The following ARNT variants were observed in gnomAD, a reference collection of about 807,000 sequenced individuals.
ARNT encodes aryl hydrocarbon receptor nuclear translocator.
In ARNT, 30 loss-of-function variants were observed where a neutral mutation model predicts 105.0. That is an observed-to-expected ratio of 0.29 (90% CI 0.21 to 0.39). The LOEUF (loss-of-function observed/expected upper bound fraction) is 0.39. ARNT is among the 10% of genes least tolerant of loss of function. The pLI, the probability that ARNT is intolerant of heterozygous loss-of-function variation, is 1.00. For missense variants in ARNT, 748 were observed against 978.7 expected (o/e 0.76, Z 3.15); for synonymous variants, 304 against 344.0 (o/e 0.88, Z 1.29).
At chr1:150,867,405 G>C (rs1361654888) in intron 1 of ARNT, among the ~76,000 whole-genome samples, 1 of 151,384 alleles carries the variant, frequency 6.6e-6, no homozygotes, top group Non-Finnish European at 1.5e-5. Flanking sequence ...CAGAGATGCA[G>C]CCAGGCACAA....
chr1:150,869,722 A>G (rs1447203712), intron 1 of ARNT, among the ~76,000 whole-genome samples: 1 of 151,710 alleles, frequency 6.6e-6, no homozygotes, highest in Non-Finnish European at 1.5e-5. Flanking sequence ...TAATTTTTTT[A>G]TATATATTTT....
At chr1:150,875,201 T>C (rs1230033945) in intron 1 of ARNT, among the ~76,000 whole-genome samples, 1 of 152,218 alleles carries the variant, frequency 6.6e-6, no homozygotes, top group Non-Finnish European at 1.5e-5. Flanking sequence ...AGTTTTATTC[T>C]ATCACTCAGC....
chr1:150,837,010 G>A lies in ARNT; in HGVS notation c.487-517C>T, dbSNP rs587757738. ...GAGCCTGGGAAGCAGAGGTTGCAGT[G>A]AGCCGAGATCATACCACCACACTCC... On this transcript the variant is annotated intron_variant, in intron 6 of 21. Transcript: ENST00000358595. Among the ~76,000 whole-genome samples the A allele has an allele frequency of 6.6e-5, 10 of 152,022 alleles. No homozygotes were observed. The East Asian group carries it at 1.9e-3, about 29-fold the overall frequency.
At chr1:150,874,018 T>TAAAAAAAAAAAAAAAAAAAAAAAAAAA (rs58707975) in intron 1 of ARNT, among the ~76,000 whole-genome samples, 1 of 64,430 alleles carries the variant, frequency 1.6e-5, no homozygotes, top group Non-Finnish European at 3.0e-5. Context: ...ACAAGAATTG[T>TAAAAAAAAAAAAAAAAAAAAAAAAAAA]AAAAAAAAAA....
rs587694027 is a variant in ARNT at position 150,860,326 on chromosome 1, G to C, written c.26-1866C>G. Among the ~76,000 whole-genome samples, 935 of 147,210 alleles carry C rather than the reference G, an allele frequency of 6.4e-3. 6 individuals carry two copies. Among genetic ancestry groups the C allele is most frequent in the Non-Finnish European group, 0.011 (714 of 67,288 alleles). Reference sequence around the variant, plus strand: ...CAACTCTCGGGTTCAAGTGATTCTCGAGCCTCAGCCTCCCAAATAGCTGGG... The same window carrying C: ...CAACTCTCGGGTTCAAGTGATTCTCCAGCCTCAGCCTCCCAAATAGCTGGG... On this transcript the variant is annotated intron_variant, in intron 1 of 21. Coordinates refer to ENST00000358595, the MANE Select transcript of ARNT (RefSeq NM_001668.4).
intron 12 of ARNT, among the ~76,000 whole-genome samples, 172 bp from the exon 13 acceptor site, chr1:150,826,789 G>T (rs1658377111): frequency 6.6e-6 from 1 of 151,680 alleles, no homozygotes; most frequent in African/African-American, 2.4e-5. Flanking sequence ...GGATTACAGG[G>T]GTGTGCTACC....
At chr1:150,858,322 T>A in intron 2 of ARNT, 27 bp downstream of exon 2, 1 of 1,545,518 alleles carries the variant, frequency 6.5e-7, no homozygotes, top group Non-Finnish European at 8.9e-7. Context: ...AGGAGAGATA[T>A]TCATAACACA....
intron 20 of ARNT, among the ~76,000 whole-genome samples, chr1:150,813,634 G>GTT (rs199531175): frequency 3.4e-5 from 5 of 147,012 alleles, no homozygotes; most frequent in East Asian, 4.0e-4. Flanking sequence ...CATGTGGGTA[G>GTT]TTTTTTTTTT....
rs1009369458 is a variant in ARNT, at chr1:150,834,599, C to T, written c.742G>A (p.Gly248Ser). ...DLKTGTVKKE[G>S]QQSSMRMCMG... is the part of the protein sequence containing the mutation. ...CACATTCTCATGGAAGACTGCTGAC[C>T]TTCCTTTTTCACTGTTCCAGTCTTT... Residue 248 changes from glycine (G) to serine (S), a missense_variant, in exon 8 of 22, where the codon GGT becomes AGT. Around this residue, in one of 4 missense-constraint regions of ARNT, gnomAD observed 291 missense variants for 444.6 expected, o/e 0.65. Coordinates refer to ENST00000358595, the MANE Select transcript of ARNT (RefSeq NM_001668.4). The T allele has an allele frequency of 6.2e-7, 1 of 1,614,022 alleles. No individual in the cohort carries two copies. The highest frequency in any genetic ancestry group is 8.5e-7 in the Non-Finnish European group (1 of 1,179,956).
intron 12 of ARNT, among the ~76,000 whole-genome samples, chr1:150,827,693 A>G (rs1221365060): frequency 6.6e-6 from 1 of 152,236 alleles, no homozygotes; most frequent in Non-Finnish European, 1.5e-5. Flanking sequence ...ATACTCAGGA[A>G]TAAAATTGCT....
chr1:150,847,656 C>G (rs1158549542), intron 3 of ARNT, among the ~76,000 whole-genome samples: 6 of 152,118 alleles, frequency 3.9e-5, no homozygotes, highest in Non-Finnish European at 5.9e-5. Context: ...AGTGGTTACC[C>G]TCATATCTTT....
chr1:150,830,096 C>T (rs1213600539), intron 10 of ARNT, 116 bp from the exon 11 acceptor site: 18 of 1,157,116 alleles, frequency 1.6e-5, no homozygotes, highest in African/African-American at 1.4e-4. Flanking sequence ...CCGTGGCTGA[C>T]GCCTGTAATC....
chr1:150,817,408 C>T lies in ARNT; in HGVS notation c.1531G>A (p.Asp511Asn), dbSNP rs1805133. The T allele has an allele frequency of 7.1e-3, 11,411 of 1,614,158 alleles. 59 individuals are homozygous for T. The highest frequency in any genetic ancestry group is 0.015 in the Middle Eastern group (88 of 6,056). ...AGTCCATCTCTTCCTGGTACCATGT[C>T]CAATTCTGTTTGCTGTTGCTGCTGC... ...PRQQQQQTEL[D>N]MVPGRDGLAS... The change falls in exon 16 of 22, where the codon GAC becomes AAC. Residue 511 changes from aspartate to asparagine, a missense_variant. Physicochemically the swap from Asp to Asn is conservative, Grantham distance 23. This residue lies in a region of ARNT where 360 missense variants were observed against 411.9 expected (regional missense o/e 0.87). Transcript: ENST00000358595.
At chr1:150,868,666 C>A (rs949134394) in intron 1 of ARNT, among the ~76,000 whole-genome samples, 3 of 151,216 alleles carry the variant, frequency 2.0e-5, no homozygotes, top group African/African-American at 7.3e-5. Flanking sequence ...CTTTGGGAGG[C>A]CGAGGTGGGC....
intron 1 of ARNT, among the ~76,000 whole-genome samples, chr1:150,868,989 T>G (rs1571528943): frequency 6.6e-6 from 1 of 151,168 alleles, no homozygotes; most frequent in Non-Finnish European, 1.5e-5. Context: ...TAGCTGGGCA[T>G]GATGGTGCAT....
rs1417778757 is a variant in ARNT, at chr1:150,809,720, T to G, written c.*2301A>C. ...AGGTCCAGACTTGAACAGTTTAAAT[T>G]TCACTCATTTTAATCCAGAAAAGGA... is the stretch of plus-strand genomic sequence containing the variant. On this transcript the variant is annotated 3_prime_UTR_variant, in exon 22 of 22. Transcript: ENST00000358595. 1 of 202,042 alleles carries G rather than the reference T, an allele frequency of 4.9e-6. No homozygotes were observed. Among genetic ancestry groups the G allele is most frequent in the East Asian group, 7.5e-5 (1 of 13,396 alleles). The allele number at this position is 202,042 out of a possible 1,614,324, so 12.5% of individuals were successfully genotyped here. A position where few individuals can be genotyped will look rare whatever the true frequency, so the allele number is the denominator to read the frequency against.
chr1:150,829,901 T>G lies in ARNT; in HGVS notation c.1032+3A>C. The G allele has an allele frequency of 6.2e-7, 1 of 1,614,206 alleles. No homozygotes were observed. Among genetic ancestry groups the G allele is most frequent in the Non-Finnish European group, 8.5e-7 (1 of 1,180,010 alleles). ...AATATAGATGTGGAAAATTCATACT[T>G]GCCTGCAATCTGCCAATGGCCACTA... On this transcript the variant is annotated splice_donor_region_variant and intron_variant, in intron 11 of 21. Coordinates refer to ENST00000358595, the MANE Select transcript of ARNT (RefSeq NM_001668.4).
intron 4 of ARNT, among the ~76,000 whole-genome samples, chr1:150,843,077 T>A (rs1446257949): frequency 6.6e-6 from 1 of 152,196 alleles, no homozygotes; most frequent in East Asian, 1.9e-4. Context: ...AGAAATTATA[T>A]AAATAACTCT....
At chr1:150,822,297 G>A (rs1657261517) in intron 14 of ARNT, among the ~76,000 whole-genome samples, 1 of 152,102 alleles carries the variant, frequency 6.6e-6, no homozygotes, top group Admixed American at 6.6e-5. Flanking sequence ...AGTTGACTGA[G>A]GGCTGGCAAC....
Sources: gnomAD v4.1 joint callset for allele counts (sites outside exome capture counted in the v4.1 genomes callset) on GRCh38, gnomAD v4.1.1 for gene constraint, gnomAD v4.1.1 regional missense constraint, MANE v1.5 for transcripts, NCBI Gene and HGNC (gene_info 2026-07-23, HGNC 2026-07-21) for gene names.